The following IGSF21 variants were observed in gnomAD, a reference collection of about 807,000 sequenced individuals.
IGSF21 encodes immunoglobin superfamily member 21.
IGSF21 carries 28 observed loss-of-function variants against 46.8 expected under a neutral mutation model. The observed-to-expected ratio is 0.60, with a 90% confidence interval of 0.44 to 0.82. The LOEUF (loss-of-function observed/expected upper bound fraction) is 0.82, where lower values mean the gene tolerates loss of function less well. IGSF21 is among the 40% of genes least tolerant of loss of function. IGSF21 has a pLI of 0.00. For missense variants in IGSF21, 624 were observed against 665.5 expected, an observed-to-expected ratio of 0.94 and a Z score of 0.69; for synonymous variants, 284 against 273.6, an observed-to-expected ratio of 1.04 and a Z score of -0.38.
At chr1:18,343,731 T>G (rs2085865428) in intron 4 of IGSF21, among the ~76,000 whole-genome samples, 2 of 152,262 alleles carry the variant, frequency 1.3e-5, no homozygotes, top group Non-Finnish European at 2.9e-5. Flanking sequence ...CTTGGCATCC[T>G]TGTCGAAAAT....
chr1:18,321,542 C>G (rs922799356), intron 3 of IGSF21, among the ~76,000 whole-genome samples: 2 of 152,070 alleles, frequency 1.3e-5, no homozygotes, highest in Admixed American at 6.5e-5. Context: ...CTCTGGAGAC[C>G]GGGAAGCCCA....
intron 3 of IGSF21, among the ~76,000 whole-genome samples, chr1:18,326,543 C>T (rs1467848377): frequency 1.3e-5 from 2 of 152,170 alleles, no homozygotes; most frequent in Non-Finnish European, 2.9e-5. Flanking sequence ...CTCAAAGGAC[C>T]CATCACTACC....
chr1:18,312,435 A>G (rs1030438699), intron 3 of IGSF21, among the ~76,000 whole-genome samples: 10 of 152,178 alleles, frequency 6.6e-5, no homozygotes, highest in Non-Finnish European at 8.8e-5. Context: ...AAATAACACA[A>G]ATTTAGTATC....
intron 1 of IGSF21, among the ~76,000 whole-genome samples, chr1:18,221,883 C>T (rs1026974814): frequency 6.6e-6 from 1 of 152,196 alleles, no homozygotes; most frequent in Non-Finnish European, 1.5e-5. Flanking sequence ...AAGGTGGCCT[C>T]TGCTTCTGGC....
At chr1:18,195,477 T>C (rs2086998104) in intron 1 of IGSF21, among the ~76,000 whole-genome samples, 1 of 152,160 alleles carries the variant, frequency 6.6e-6, no homozygotes, top group Non-Finnish European at 1.5e-5. Context: ...TCTTCTCCAC[T>C]TTCTGGAACC....
chr1:18,256,283 G>C (rs925059119), intron 2 of IGSF21, among the ~76,000 whole-genome samples: 1 of 152,182 alleles, frequency 6.6e-6, no homozygotes, highest in Non-Finnish European at 1.5e-5. Flanking sequence ...GCACTGAGAC[G>C]CAACTGCACT....
At chr1:18,193,727 AC>A (rs5772794) in intron 1 of IGSF21, among the ~76,000 whole-genome samples, 41,227 of 152,084 alleles carry the variant, frequency 0.27, 6,198 homozygotes, top group South Asian at 0.37. Context: ...TCACAGACTC[AC>A]CCAGGATTAA....
chr1:18,118,187 C>T (rs2086204715), intron 1 of IGSF21, among the ~76,000 whole-genome samples: 1 of 152,210 alleles, frequency 6.6e-6, no homozygotes, highest in Non-Finnish European at 1.5e-5. Flanking sequence ...GTTTCTCTTT[C>T]TACAGAGGCG....
At chr1:18,370,541 G>T (rs1303296039) in intron 6 of IGSF21, among the ~76,000 whole-genome samples, 1 of 152,244 alleles carries the variant, frequency 6.6e-6, no homozygotes, top group South Asian at 2.1e-4. Context: ...TGTAACAAAG[G>T]TTTCTTAAAG....
At chr1:18,267,058 A>G (rs1254237347) in intron 2 of IGSF21, among the ~76,000 whole-genome samples, 1 of 152,200 alleles carries the variant, frequency 6.6e-6, no homozygotes, top group Non-Finnish European at 1.5e-5. Context: ...TGGAGAGCCC[A>G]TGGCCCCTGG....
intron 1 of IGSF21, among the ~76,000 whole-genome samples, chr1:18,177,902 T>C (rs755967): frequency 0.52 from 78,462 of 151,822 alleles, 20,722 homozygotes; most frequent in African/African-American, 0.6. Flanking sequence ...GAAGAGGCGC[T>C]GAGATTGGTG....
chr1:18,358,077 G>C (rs1212511314), intron 4 of IGSF21, among the ~76,000 whole-genome samples: 2 of 152,012 alleles, frequency 1.3e-5, no homozygotes, highest in Non-Finnish European at 1.5e-5. Flanking sequence ...ATGTTTAGGG[G>C]GGTGAAGGGT....
chr1:18,370,871 G>A (rs1469370814), intron 6 of IGSF21, among the ~76,000 whole-genome samples: 1 of 152,202 alleles, frequency 6.6e-6, no homozygotes, highest in Non-Finnish European at 1.5e-5. Context: ...CAACCTCCAT[G>A]AGATACCATT....
intron 1 of IGSF21, among the ~76,000 whole-genome samples, chr1:18,212,863 C>G (rs1391417247): frequency 2.6e-5 from 4 of 152,078 alleles, no homozygotes. Flanking sequence ...AATGGGAATT[C>G]CCCTCACCCA....
chr1:18,359,493 AAGGAAGGAAGGAAGG>A (rs747148218), intron 4 of IGSF21, among the ~76,000 whole-genome samples: 17,992 of 133,822 alleles, frequency 0.13, 1,610 homozygotes, highest in African/African-American at 0.18. Flanking sequence ...GGAAGGAAGG[AAGGAAGGAAGGAAGG>A]AAGGAAAAGC....
intron 3 of IGSF21, among the ~76,000 whole-genome samples, chr1:18,294,281 G>A (rs932168592): frequency 6.6e-6 from 1 of 152,192 alleles, no homozygotes; most frequent in Middle Eastern, 3.4e-3. Flanking sequence ...GCTGGTTTCC[G>A]GCCTCTAAGT....
intron 3 of IGSF21, among the ~76,000 whole-genome samples, chr1:18,315,633 G>T (rs143783200): frequency 1.6e-4 from 24 of 151,750 alleles, no homozygotes; most frequent in African/African-American, 5.1e-4. Context: ...TTGGTAGATG[G>T]TAGGATGGAT....
intron 6 of IGSF21, among the ~76,000 whole-genome samples, chr1:18,366,271 A>G (rs2086163887): frequency 6.6e-6 from 1 of 152,188 alleles, no homozygotes; most frequent in African/African-American, 2.4e-5. Context: ...TTGCTGGGTA[A>G]ATAAAGTATA....
chr1:18,250,084 C>CCCCTCCCT (rs1190329019), intron 2 of IGSF21, among the ~76,000 whole-genome samples: 11 of 64,084 alleles, frequency 1.7e-4, no homozygotes, highest in African/African-American at 4.2e-4. Context: ...CTTCCATCCC[C>CCCCTCCCT]CACTCCCTCC....
Sources: allele counts gnomAD v4.1 joint callset (sites outside exome capture counted in the v4.1 genomes callset), GRCh38; gene constraint gnomAD v4.1.1; transcripts MANE v1.5; gene names NCBI Gene and HGNC (gene_info 2026-07-23, HGNC 2026-07-21).